The following L3MBTL4 variants were observed in gnomAD, a reference collection of about 807,000 sequenced individuals.
L3MBTL4 encodes L3MBTL histone methyl-lysine binding protein 4, also known as lethal(3)malignant brain tumor-like protein 4.
In L3MBTL4, 70 loss-of-function variants were observed where a neutral mutation model predicts 84.5. The ratio of observed to expected loss-of-function variants is 0.83; its 90% CI spans 0.68 to 1.01. L3MBTL4 has a LOEUF of 1.01. Among genes scored for constraint, L3MBTL4 ranks in the 50% least tolerant of loss-of-function variants. The pLI is 0.00. For synonymous variants in L3MBTL4, 274 were observed against 259.8 expected (o/e 1.05, Z -0.52); for missense variants, 715 against 754.8 (o/e 0.95, Z 0.62).
At chr18:6,142,835 T>C (rs1254079032) in intron 13 of L3MBTL4, among the ~76,000 whole-genome samples, 1 of 151,970 alleles carries the variant, frequency 6.6e-6, no homozygotes, top group Admixed American at 6.6e-5. Flanking sequence ...AATGGGAGGA[T>C]CTCTTGAGCC....
chr18:6,167,597 G>C (rs1342805495), intron 13 of L3MBTL4, among the ~76,000 whole-genome samples: 2 of 152,080 alleles, frequency 1.3e-5, no homozygotes, highest in Non-Finnish European at 1.5e-5. Context: ...TCTCAATAGA[G>C]ACAGAAAAGG....
At chr18:6,313,324 A>AT in intron 1 of L3MBTL4, among the ~76,000 whole-genome samples, 2 of 152,316 alleles carry the variant, frequency 1.3e-5, no homozygotes, top group Admixed American at 1.3e-4. Flanking sequence ...TCCATACATT[A>AT]TCCTTTAGAA....
chr18:6,382,686 C>G (rs1234780590), intron 1 of L3MBTL4, among the ~76,000 whole-genome samples: 1 of 152,184 alleles, frequency 6.6e-6, no homozygotes, highest in South Asian at 2.1e-4. Flanking sequence ...CCTCTGGAAG[C>G]TTTATTCCAA....
At chr18:6,075,945 A>C (rs2057843317) in intron 16 of L3MBTL4, among the ~76,000 whole-genome samples, 1 of 152,222 alleles carries the variant, frequency 6.6e-6, no homozygotes, top group Admixed American at 6.5e-5. Flanking sequence ...ATTAAATACC[A>C]CTGTAAGCCC....
chr18:6,185,546 C>A lies in L3MBTL4; in HGVS notation c.982-13604G>T, dbSNP rs55794990. 2.6e-5 allele frequency among the ~76,000 whole-genome samples: 4 copies of A among 152,230 alleles called. No individual in the cohort carries two copies. The East Asian group carries it at 7.7e-4, about 29-fold the overall frequency. The stretch of plus-strand genomic sequence containing the variant: ...CTCCTGCTTGTGGTTGGCTCCTGTA[C>A]TGAGCTATCCTGGGTTCTCCCAGTC... On this transcript the variant is annotated intron_variant, in intron 12 of 18. Coordinates refer to ENST00000317931, the MANE Select transcript of L3MBTL4 (RefSeq NM_001330559.2).
In L3MBTL4 at chr18:6,239,734, C is replaced by T. The variant is rs746578724; in HGVS notation, c.691G>A (p.Asp231Asn). 1.9e-6 allele frequency: 3 copies of T among 1,613,660 alleles called. No homozygotes were observed. The highest frequency in any genetic ancestry group is 3.3e-5 in the Admixed American group (2 of 60,002). ...ATATCTCACCAGTAATCGTAACTATCATCCCAGTTGTCAAAATGCACTAGT... is the reference window on the plus strand; with the variant it reads ...ATATCTCACCAGTAATCGTAACTATTATCCCAGTTGTCAAAATGCACTAGT... The part of the protein sequence containing the change: ...RLLVHFDNWD[D>N]SYDYWCDVNS... The change falls in exon 9 of 19, where the codon GAT becomes AAT. Residue 231 changes from aspartate (D) to asparagine (N), a missense_variant. Physicochemically the swap from Asp to Asn is conservative, Grantham distance 23. Coordinates refer to ENST00000317931, the MANE Select transcript of L3MBTL4 (RefSeq NM_001330559.2).
intron 12 of L3MBTL4, among the ~76,000 whole-genome samples, chr18:6,203,519 G>A (rs2045738038): frequency 6.6e-6 from 1 of 152,188 alleles, no homozygotes; most frequent in Admixed American, 6.5e-5. Flanking sequence ...AGAGCCTGAT[G>A]TCTGCTGAAT....
intron 1 of L3MBTL4, among the ~76,000 whole-genome samples, chr18:6,319,676 T>C (rs2051304267): frequency 6.6e-6 from 1 of 152,076 alleles, no homozygotes; most frequent in South Asian, 2.1e-4. Context: ...GCAAGATGAA[T>C]TCACAGCTTG....
intron 16 of L3MBTL4, among the ~76,000 whole-genome samples, chr18:6,062,169 T>C (rs377064649): frequency 6.6e-6 from 1 of 152,182 alleles, no homozygotes; most frequent in East Asian, 1.9e-4. Flanking sequence ...GCAGTTCTAC[T>C]GGAGACAAAT....
chr18:6,093,470 G>A lies in L3MBTL4; in HGVS notation c.1258C>T (p.Arg420Cys), dbSNP rs749722357. Residue 420 changes from arginine (R) to cysteine (C), a missense_variant, in exon 15 of 19, where the codon CGT (arginine) becomes TGT (cysteine). Arg to Cys is a radical substitution (Grantham distance 180). Transcript: ENST00000317931. ...NLKKEATLHD[R>C]LREQTQANLE... ...TTTGCCTGTGTTTGTTCTCTCAAAC[G>A]ATCGTGAAGTGTTGCCTCCTTTTTC... 6.2e-6 allele frequency: 10 copies of A among 1,613,802 alleles called. No homozygotes were observed. Among genetic ancestry groups the A allele is most frequent in the Middle Eastern group, 3.3e-4 (2 of 6,082 alleles).
chr18:6,035,329 G>C (rs1240514789), intron 16 of L3MBTL4, among the ~76,000 whole-genome samples: 1 of 152,142 alleles, frequency 6.6e-6, no homozygotes, highest in East Asian at 1.9e-4. Context: ...TTTTGTATAA[G>C]GTGTAAGGAA....
chr18:6,002,589 T>C (rs1166184948), intron 16 of L3MBTL4, among the ~76,000 whole-genome samples: 25 of 152,224 alleles, frequency 1.6e-4, no homozygotes, highest in Non-Finnish European at 1.9e-4. Flanking sequence ...TTTTGTATGC[T>C]ATTGAAATTA....
At chr18:6,182,692 A>C (rs936080649) in intron 12 of L3MBTL4, among the ~76,000 whole-genome samples, 1 of 152,166 alleles carries the variant, frequency 6.6e-6, no homozygotes, top group Non-Finnish European at 1.5e-5. Context: ...TTAAGTTTTT[A>C]ATCCATCTTG....
intron 12 of L3MBTL4, among the ~76,000 whole-genome samples, chr18:6,194,330 C>A (rs886527301): frequency 3.3e-5 from 5 of 152,170 alleles, no homozygotes; most frequent in Non-Finnish European, 5.9e-5. Flanking sequence ...GCGATGGTCA[C>A]GGCAGCCTTC....
chr18:5,964,344 G>A (rs994867849), intron 17 of L3MBTL4, among the ~76,000 whole-genome samples: 31 of 152,164 alleles, frequency 2.0e-4, no homozygotes, highest in African/African-American at 7.0e-4. Flanking sequence ...AGCTCAGCAG[G>A]ACTCATGTTC....
At chr18:6,327,394 T>C (rs1238765752) in intron 1 of L3MBTL4, among the ~76,000 whole-genome samples, 1 of 152,154 alleles carries the variant, frequency 6.6e-6, no homozygotes, top group East Asian at 1.9e-4. Context: ...AATAAATAAA[T>C]TGTGATATAT....
intron 15 of L3MBTL4, among the ~76,000 whole-genome samples, chr18:6,091,904 G>A (rs2143621616): frequency 6.6e-6 from 1 of 152,226 alleles, no homozygotes; most frequent in African/African-American, 2.4e-5. Context: ...GAATAAATAA[G>A]CACTGTTCCT....
At chr18:6,124,360 G>A (rs2059619770) in intron 14 of L3MBTL4, among the ~76,000 whole-genome samples, 1 of 150,906 alleles carries the variant, frequency 6.6e-6, no homozygotes, top group Non-Finnish European at 1.5e-5. Flanking sequence ...AAGAGTATTA[G>A]AGGTAAATTT....
At chr18:6,168,937 A>G (rs2043822642) in intron 13 of L3MBTL4, among the ~76,000 whole-genome samples, 1 of 152,200 alleles carries the variant, frequency 6.6e-6, no homozygotes, top group Non-Finnish European at 1.5e-5. Flanking sequence ...CATCTGACAA[A>G]GGGCTAATAT....
Sources: allele counts gnomAD v4.1 joint callset (sites outside exome capture counted in the v4.1 genomes callset), GRCh38; gene constraint gnomAD v4.1.1; transcripts MANE v1.5; gene names NCBI Gene and HGNC (gene_info 2026-07-23, HGNC 2026-07-21).